Variants in CNTN5 observed in about 807,000 individuals in gnomAD.
CNTN5 encodes contactin-5.
In CNTN5, 77 loss-of-function variants were observed where a neutral mutation model predicts 129.1. The ratio of observed to expected loss-of-function variants is 0.60; its 90% confidence interval spans 0.50 to 0.72. The LOEUF (loss-of-function observed/expected upper bound fraction) is 0.72, where lower values mean the gene tolerates loss of function less well. Ranked by LOEUF, CNTN5 falls within the 30% of genes least tolerant of loss-of-function variation. The pLI is 0.00. For synonymous variants in CNTN5, 509 were observed against 465.6 expected (o/e 1.09, Z -1.20); for missense variants, 1,478 against 1,328.8 (o/e 1.11, Z -1.75).
chr11:100,044,298 A>T (rs1256755547), intron 9 of CNTN5, among the ~76,000 whole-genome samples: 1 of 152,098 alleles, frequency 6.6e-6, no homozygotes, highest in African/African-American at 2.4e-5. Flanking sequence ...ATATGAGTGC[A>T]GGTATATTTT....
intron 3 of CNTN5, among the ~76,000 whole-genome samples, chr11:99,658,519 C>T (rs1334230940): frequency 6.6e-6 from 1 of 151,888 alleles, no homozygotes; most frequent in Non-Finnish European, 1.5e-5. Flanking sequence ...TTTACTCTTG[C>T]ATCACATTTA....
intron 3 of CNTN5, among the ~76,000 whole-genome samples, chr11:99,652,081 C>G (rs1415857405): frequency 6.6e-6 from 1 of 152,010 alleles, no homozygotes; most frequent in Non-Finnish European, 1.5e-5. Context: ...TCTCACAAGA[C>G]TAAAATCAAG....
chr11:99,166,860 T>G (rs1165499786), intron 1 of CNTN5, among the ~76,000 whole-genome samples: 5 of 152,054 alleles, frequency 3.3e-5, no homozygotes, highest in Non-Finnish European at 5.9e-5. Flanking sequence ...TACATTTGAT[T>G]TAATTTCATG....
chr11:99,042,365 C>CTTCTTTT, intron 1 of CNTN5, among the ~76,000 whole-genome samples: 1 of 83,798 alleles, frequency 1.2e-5, no homozygotes. Flanking sequence ...TCTTCTTCTT[C>CTTCTTTT]TTTTTTTTTT....
intron 17 of CNTN5, 121 bp downstream of exon 17, chr11:100,256,039 A>C: frequency 1.2e-6 from 1 of 845,936 alleles, no homozygotes; most frequent in Non-Finnish European, 1.8e-6. Flanking sequence ...TATTTCTTAC[A>C]ATATTGACAA....
intron 6 of CNTN5, among the ~76,000 whole-genome samples, chr11:99,867,858 A>T (rs1190992410): frequency 6.6e-6 from 1 of 152,216 alleles, no homozygotes; most frequent in Non-Finnish European, 1.5e-5. Flanking sequence ...CTACCTGGAA[A>T]AACAGGAAAT....
rs1237771031 is a variant in CNTN5, at chr11:100,260,579, T to A, written c.2164+4661T>A. ...CTGGCAATTCAAATCCAGCAGCACA[T>A]CAAAAAGCTTATCCAAAATGATCAA... On this transcript the variant is annotated intron_variant, in intron 17 of 24. Transcript: ENST00000524871. 4.6e-5 allele frequency among the ~76,000 whole-genome samples: 7 copies of A among 152,210 alleles called. No homozygotes were observed. In the East Asian group the frequency reaches 1.4e-3, roughly 29 times the overall value.
At chr11:99,883,972 G>A (rs1473551984) in intron 6 of CNTN5, among the ~76,000 whole-genome samples, 1 of 152,054 alleles carries the variant, frequency 6.6e-6, no homozygotes, top group Non-Finnish European at 1.5e-5. Context: ...TTAAATCACT[G>A]GTAAAAATTC....
intron 3 of CNTN5, among the ~76,000 whole-genome samples, chr11:99,584,957 T>A (rs1262953383): frequency 8.8e-6 from 1 of 114,120 alleles, no homozygotes; most frequent in Non-Finnish European, 2.1e-5. Context: ...ATGGCAACAT[T>A]CAAGCTTTTG....
intron 1 of CNTN5, among the ~76,000 whole-genome samples, chr11:99,073,236 C>CGG (rs1245223961): frequency 0.027 from 4,150 of 151,920 alleles, 90 homozygotes; most frequent in East Asian, 0.06. Flanking sequence ...CTATATATCC[C>CGG]AAAGGGAGAT....
At chr11:99,639,096 C>T (rs1335823306) in intron 3 of CNTN5, among the ~76,000 whole-genome samples, 1 of 152,222 alleles carries the variant, frequency 6.6e-6, no homozygotes, top group African/African-American at 2.4e-5. Flanking sequence ...GGTTCCCAAA[C>T]CTCAATTCTT....
intron 3 of CNTN5, among the ~76,000 whole-genome samples, chr11:99,811,154 T>C (rs1946417037): frequency 1.3e-5 from 2 of 152,062 alleles, no homozygotes; most frequent in Non-Finnish European, 2.9e-5. Context: ...AACAGCATTG[T>C]GTCGGGAGTC....
intron 1 of CNTN5, among the ~76,000 whole-genome samples, chr11:99,244,035 A>G (rs1340230029): frequency 6.6e-6 from 1 of 152,090 alleles, no homozygotes; most frequent in Non-Finnish European, 1.5e-5. Context: ...ATATCATTGA[A>G]TCTGTAGATT....
At chr11:100,109,454 C>CA (rs930722557) in intron 13 of CNTN5, among the ~76,000 whole-genome samples, 34 of 152,202 alleles carry the variant, frequency 2.2e-4, no homozygotes, top group Admixed American at 3.9e-4. Context: ...CAAAATCCCC[C>CA]AAACAAGGAA....
At chr11:99,460,380 A>G (rs1204523217) in intron 2 of CNTN5, among the ~76,000 whole-genome samples, 1 of 151,858 alleles carries the variant, frequency 6.6e-6, no homozygotes, top group African/African-American at 2.4e-5. Context: ...TGAGTTAAGA[A>G]GTACTGTTAA....
At chr11:100,106,658 T>TAAAAAC (rs1945444317) in intron 13 of CNTN5, among the ~76,000 whole-genome samples, 1 of 152,142 alleles carries the variant, frequency 6.6e-6, no homozygotes, top group African/African-American at 2.4e-5. Context: ...ATTACTGCCT[T>TAAAAAC]AAAAACAAAC....
At chr11:99,213,979 A>G (rs906894733) in intron 1 of CNTN5, among the ~76,000 whole-genome samples, 5 of 152,182 alleles carry the variant, frequency 3.3e-5, no homozygotes, top group African/African-American at 1.2e-4. Flanking sequence ...GAATCATACT[A>G]TGTGTCATTT....
At chr11:99,902,874 C>T (rs563710269) in intron 6 of CNTN5, among the ~76,000 whole-genome samples, 2 of 152,028 alleles carry the variant, frequency 1.3e-5, no homozygotes, top group South Asian at 4.2e-4. Flanking sequence ...AGAATTGGGC[C>T]AAGGACGGGG....
At chr11:99,859,241 A>G (rs1474726449) in intron 6 of CNTN5, among the ~76,000 whole-genome samples, 3 of 152,232 alleles carry the variant, frequency 2.0e-5, no homozygotes, top group African/African-American at 7.2e-5. Flanking sequence ...GAAAAGGATC[A>G]TATATCCTCT....
Sources: gnomAD v4.1 joint callset for allele counts (sites outside exome capture counted in the v4.1 genomes callset) on GRCh38, gnomAD v4.1.1 for gene constraint, MANE v1.5 for transcripts, NCBI Gene and HGNC (gene_info 2026-07-23, HGNC 2026-07-21) for gene names.